The following RBFOX1 variants were observed in gnomAD, a reference collection of about 807,000 sequenced individuals.
RBFOX1 encodes RNA binding protein fox-1 homolog 1.
Under a neutral mutation model 57.7 loss-of-function variants are expected in RBFOX1, and 8 were observed. The observed-to-expected ratio is 0.14, with a 90% CI of 0.08 to 0.25. The LOEUF (loss-of-function observed/expected upper bound fraction) is 0.25, where lower values mean the gene tolerates loss of function less well. RBFOX1 is among the 10% of genes least tolerant of loss of function. The pLI is 1.00. For missense variants in RBFOX1, 611 were observed against 548.5 expected (o/e 1.11, Z -1.14); for synonymous variants, 326 against 222.4 (o/e 1.47, Z -4.15).
At chr16:5,294,921 T>C (rs1367420223) in intron 1 of RBFOX1, among the ~76,000 whole-genome samples, 4 of 149,248 alleles carry the variant, frequency 2.7e-5, no homozygotes, top group Non-Finnish European at 4.5e-5. Context: ...TCCCAGCTAC[T>C]CAGGAGGCTG....
At chr16:5,464,635 G>A (rs1000379002) in intron 1 of RBFOX1, among the ~76,000 whole-genome samples, 1 of 152,062 alleles carries the variant, frequency 6.6e-6, no homozygotes, top group Admixed American at 6.5e-5. Context: ...ACTGTAGGGC[G>A]CCACGAGAGG....
At chr16:5,735,941 C>A (rs1325300717) in intron 3 of RBFOX1, among the ~76,000 whole-genome samples, 1 of 152,058 alleles carries the variant, frequency 6.6e-6, no homozygotes, top group African/African-American at 2.4e-5. Flanking sequence ...CACATGTTCC[C>A]CAGATGGGAG....
chr16:7,261,970 A>C (rs185241383), intron 4 of RBFOX1, among the ~76,000 whole-genome samples: 2 of 152,186 alleles, frequency 1.3e-5, no homozygotes, highest in Non-Finnish European at 2.9e-5. Flanking sequence ...GGCTGTTGTT[A>C]AATCATCCTA....
chr16:5,929,033 T>TA (rs3041579), intron 4 of RBFOX1, among the ~76,000 whole-genome samples: 21,834 of 126,984 alleles, frequency 0.17, 2,149 homozygotes, highest in African/African-American at 0.31. Flanking sequence ...CTTTCCAATT[T>TA]AAAAAAAAAA....
chr16:7,068,076 G>C (rs1379652779), intron 4 of RBFOX1, among the ~76,000 whole-genome samples: 23 of 150,818 alleles, frequency 1.5e-4, no homozygotes, highest in Admixed American at 1.5e-3. Flanking sequence ...CTGTCGGACT[G>C]GTTTCTCTCC....
intron 3 of RBFOX1, among the ~76,000 whole-genome samples, chr16:6,985,211 G>T (rs981447056): frequency 7.6e-5 from 11 of 144,008 alleles, no homozygotes; most frequent in East Asian, 4.3e-4. Flanking sequence ...ATCATGGAAA[G>T]ATTTTTTTCT....
chr16:6,742,276 A>G (rs1305828553), intron 3 of RBFOX1, among the ~76,000 whole-genome samples: 1 of 152,230 alleles, frequency 6.6e-6, no homozygotes, highest in East Asian at 1.9e-4. Context: ...GATTAAGAAT[A>G]TAATAACATA....
At chr16:5,659,612 C>CT (rs372789765) in intron 3 of RBFOX1, among the ~76,000 whole-genome samples, 24 of 152,144 alleles carry the variant, frequency 1.6e-4, no homozygotes, top group African/African-American at 5.3e-4. Context: ...GCCGGTATAT[C>CT]TTTTTTTGAA....
chr16:6,848,903 G>T (rs2093913448), intron 3 of RBFOX1, among the ~76,000 whole-genome samples: 1 of 152,144 alleles, frequency 6.6e-6, no homozygotes, highest in Non-Finnish European at 1.5e-5. Context: ...AAACGATAGT[G>T]TTGCAAAGAA....
intron 1 of RBFOX1, among the ~76,000 whole-genome samples, chr16:6,145,299 T>C (rs1055537512): frequency 3.9e-5 from 6 of 152,172 alleles, no homozygotes; most frequent in Admixed American, 3.9e-4. Flanking sequence ...TGGTTTTCTG[T>C]TCCTCCATTA....
chr16:6,528,397 C>T (rs1320272671), intron 2 of RBFOX1, among the ~76,000 whole-genome samples: 1 of 152,142 alleles, frequency 6.6e-6, no homozygotes, highest in Non-Finnish European at 1.5e-5. Flanking sequence ...ATAAGTCCAC[C>T]ATCAATGCAC....
chr16:7,416,829 A>T (rs900252168), intron 4 of RBFOX1, among the ~76,000 whole-genome samples: 1 of 152,164 alleles, frequency 6.6e-6, no homozygotes, highest in Non-Finnish European at 1.5e-5. Flanking sequence ...CTAAATGCCA[A>T]GGTTTGGTCT....
intron 3 of RBFOX1, among the ~76,000 whole-genome samples, chr16:6,866,539 C>CTTTTTTTTTTTTTTTTTTT (rs1161474639): frequency 2.0e-5 from 1 of 49,088 alleles, no homozygotes; most frequent in Non-Finnish European, 3.6e-5. Flanking sequence ...TTCTTTCCTT[C>CTTTTTTTTTTTTTTTTTTT]TATTTTTTTT....
chr16:7,237,285 C>T (rs1388358994), intron 4 of RBFOX1, among the ~76,000 whole-genome samples: 1 of 152,172 alleles, frequency 6.6e-6, no homozygotes, highest in Non-Finnish European at 1.5e-5. Flanking sequence ...CTCTTCCGTC[C>T]TCTCTCCCTC....
rs541572775 is a variant in RBFOX1, at chr16:7,058,374, G to A, written c.27+6276G>A. Among the ~76,000 whole-genome samples the A allele has an allele frequency of 4.6e-5, 7 of 152,210 alleles. No individual in the cohort carries two copies. The South Asian group carries it at 1.5e-3, about 32-fold the overall frequency. On this transcript the variant is annotated intron_variant, in intron 4 of 15. Coordinates refer to ENST00000550418, the MANE Select transcript of RBFOX1 (RefSeq NM_018723.4). ...CTCAGGATGAGAGCCTCCAGCCCCA[G>A]AGCATCTCTTTGCACTTTGAAAACA...
At chr16:7,708,281 C>G (rs1211884400) in intron 14 of RBFOX1, among the ~76,000 whole-genome samples, 1 of 152,140 alleles carries the variant, frequency 6.6e-6, no homozygotes, top group African/African-American at 2.4e-5. Context: ...ATTTAGTAGG[C>G]ATTCAGCACG....
intron 4 of RBFOX1, chr16:7,431,404 T>G (rs1277125068): frequency 1.3e-5 from 2 of 149,484 alleles, no homozygotes; most frequent in Non-Finnish European, 1.5e-5. Flanking sequence ...TTTTTTAATT[T>G]TGTGTGTGTG....
chr16:7,257,597 A>G (rs747123945), intron 4 of RBFOX1, among the ~76,000 whole-genome samples: 2 of 151,894 alleles, frequency 1.3e-5, no homozygotes, highest in African/African-American at 2.4e-5. Flanking sequence ...ATCCACACCT[A>G]CCAAGAGCCC....
At position 6,073,571 on chromosome 16, in the gene RBFOX1, G is replaced by T. The variant is rs188549846; in HGVS notation, c.-127+53579G>T. Among the ~76,000 whole-genome samples the T allele has an allele frequency of 3.2e-3, 487 of 152,264 alleles. 3 individuals carry two copies. The highest frequency in any genetic ancestry group is 0.011 in the African/African-American group (444 of 41,564). On this transcript the variant is annotated intron_variant, in intron 1 of 15. Transcript: ENST00000550418. Reference sequence around the variant, plus strand: ...AAGCATTTCCCCCGTGTTTGCTTTAGAACGTAATACACTTCCGTTTTGGAA... The same window carrying T: ...AAGCATTTCCCCCGTGTTTGCTTTATAACGTAATACACTTCCGTTTTGGAA...
Sources: gnomAD v4.1 joint callset for allele counts (sites outside exome capture counted in the v4.1 genomes callset) on GRCh38, gnomAD v4.1.1 for gene constraint, MANE v1.5 for transcripts, NCBI Gene and HGNC (gene_info 2026-07-23, HGNC 2026-07-21) for gene names.